Variants in JARID2 observed in about 807,000 individuals in gnomAD.
The protein encoded by JARID2 is protein Jumonji.
A neutral mutation model predicts 125.6 loss-of-function variants in JARID2; 21 were observed. The observed-to-expected ratio is 0.17, with a 90% CI of 0.12 to 0.24. The LOEUF (loss-of-function observed/expected upper bound fraction) is 0.24, where lower values mean the gene tolerates loss of function less well. Among genes scored for constraint, JARID2 ranks in the 10% least tolerant of loss-of-function variants. The probability of loss-of-function intolerance (pLI) is 1.00; values close to 1 mark genes in which losing one functional copy is unlikely to be tolerated. For missense variants in JARID2, 1,303 were observed against 1,639.6 expected, an observed-to-expected ratio of 0.79 and a Z score of 3.55; for synonymous variants, 736 against 661.6, an observed-to-expected ratio of 1.11 and a Z score of -1.73.
chr6:15,269,488 AC>A (rs1482747630), intron 1 of JARID2, among the ~76,000 whole-genome samples: 2 of 149,686 alleles, frequency 1.3e-5, no homozygotes, highest in Admixed American at 1.3e-4. Flanking sequence ...TCCCTGCCCC[AC>A]CCCCTAGTAG....
chr6:15,264,653 GAT>G (rs1370188982), intron 1 of JARID2, among the ~76,000 whole-genome samples: 319 of 147,892 alleles, frequency 2.2e-3, no homozygotes, highest in Non-Finnish European at 3.0e-3. Flanking sequence ...GAGAGAGAGA[GAT>G]AGAGAGAGAG....
intron 6 of JARID2, among the ~76,000 whole-genome samples, chr6:15,489,640 A>G (rs1272645113): frequency 2.6e-5 from 4 of 152,248 alleles, no homozygotes; most frequent in African/African-American, 9.6e-5. Flanking sequence ...GCCTGCCCCC[A>G]TGCTCCATGG....
intron 1 of JARID2, among the ~76,000 whole-genome samples, chr6:15,304,489 G>C (rs937170298): frequency 5.9e-5 from 9 of 152,030 alleles, no homozygotes; most frequent in African/African-American, 2.2e-4. Context: ...CCAGCTCATG[G>C]TTACAGTCCT....
At chr6:15,258,835 A>T (rs1453601508) in intron 1 of JARID2, among the ~76,000 whole-genome samples, 1 of 152,226 alleles carries the variant, frequency 6.6e-6, no homozygotes, top group African/African-American at 2.4e-5. Context: ...CCATGTTATT[A>T]TAAGTCTTAC....
At chr6:15,497,502 T>C (rs2127737026) in intron 7 of JARID2, among the ~76,000 whole-genome samples, 1 of 151,872 alleles carries the variant, frequency 6.6e-6, no homozygotes, top group Non-Finnish European at 1.5e-5. Context: ...ACAAAAAAAT[T>C]AGCCGGGCGT....
intron 6 of JARID2, among the ~76,000 whole-genome samples, chr6:15,494,560 C>T (rs1051291326): frequency 7.2e-5 from 11 of 152,052 alleles, no homozygotes; most frequent in East Asian, 1.9e-4. Context: ...AGGCGCACAC[C>T]GCCACACCCA....
At chr6:15,344,460 T>TA (rs746040005) in intron 1 of JARID2, among the ~76,000 whole-genome samples, 330 of 150,666 alleles carry the variant, frequency 2.2e-3, no homozygotes, top group Middle Eastern at 0.014. Flanking sequence ...CTCTCTGGTT[T>TA]AAAAAAAAAC....
At chr6:15,351,224 TACC>T in intron 1 of JARID2, among the ~76,000 whole-genome samples, 1 of 152,156 alleles carries the variant, frequency 6.6e-6, no homozygotes, top group East Asian at 1.9e-4. Flanking sequence ...TTCTGAGTAA[TACC>T]AACAGTAACT....
At chr6:15,506,922 G>A (rs1771031368) in intron 9 of JARID2, among the ~76,000 whole-genome samples, 1 of 152,226 alleles carries the variant, frequency 6.6e-6, no homozygotes. Flanking sequence ...TAACATGGGT[G>A]AGACCCTGCT....
At chr6:15,431,104 T>G (rs1343379884) in intron 3 of JARID2, among the ~76,000 whole-genome samples, 1 of 152,172 alleles carries the variant, frequency 6.6e-6, no homozygotes, top group African/African-American at 2.4e-5. Flanking sequence ...GTTTTTCCCC[T>G]TTGTAGGGAG....
At chr6:15,273,134 T>C (rs1760363899) in intron 1 of JARID2, among the ~76,000 whole-genome samples, 1 of 152,170 alleles carries the variant, frequency 6.6e-6, no homozygotes, top group Non-Finnish European at 1.5e-5. Flanking sequence ...AGTTTCCTCA[T>C]GTGGGTGGGG....
intron 5 of JARID2, among the ~76,000 whole-genome samples, chr6:15,472,743 G>A (rs1307708945): frequency 1.3e-5 from 2 of 152,140 alleles, no homozygotes; most frequent in African/African-American, 4.8e-5. Flanking sequence ...GTCCCATTCT[G>A]TTGTCCAGAG....
At chr6:15,388,561 CAT>C (rs1764876611) in intron 2 of JARID2, among the ~76,000 whole-genome samples, 1 of 147,016 alleles carries the variant, frequency 6.8e-6, no homozygotes, top group Non-Finnish European at 1.5e-5. Flanking sequence ...AGGAGAGAAA[CAT>C]GAGCTATTTT....
At chr6:15,372,608 C>T (rs1029397447) in intron 1 of JARID2, among the ~76,000 whole-genome samples, 2 of 152,152 alleles carry the variant, frequency 1.3e-5, no homozygotes, top group African/African-American at 4.8e-5. Context: ...TCCGCCTTGT[C>T]CTCTCAAAGT....
At chr6:15,473,490 T>G (rs1253256238) in intron 5 of JARID2, among the ~76,000 whole-genome samples, 1 of 129,748 alleles carries the variant, frequency 7.7e-6, no homozygotes, top group Non-Finnish European at 1.6e-5. Context: ...GGGTGACTTG[T>G]CTCCCTTGTC....
chr6:15,413,942 AC>A (rs1441065423), intron 3 of JARID2, among the ~76,000 whole-genome samples: 3 of 152,224 alleles, frequency 2.0e-5, no homozygotes, highest in Non-Finnish European at 4.4e-5. Flanking sequence ...TTCAGATCAT[AC>A]TGCAGGGTCA....
At chr6:15,464,407 T>A (rs1768607928) in intron 4 of JARID2, among the ~76,000 whole-genome samples, 1 of 152,224 alleles carries the variant, frequency 6.6e-6, no homozygotes, top group South Asian at 2.1e-4. Context: ...GGTATGAGGG[T>A]GCCCGACCAA....
At chr6:15,465,636 C>T (rs1768686470) in intron 4 of JARID2, among the ~76,000 whole-genome samples, 2 of 151,338 alleles carry the variant, frequency 1.3e-5, no homozygotes, top group Non-Finnish European at 3.0e-5. Flanking sequence ...TGCTGCTTCT[C>T]TAATGTTTGA....
chr6:15,495,874 C>T (rs1010675107), intron 6 of JARID2, among the ~76,000 whole-genome samples: 16 of 152,302 alleles, frequency 1.1e-4, no homozygotes, highest in African/African-American at 3.4e-4. Context: ...CGCTAGGAAG[C>T]GCCTGGGGCA....
Sources: allele counts gnomAD v4.1 joint callset (sites outside exome capture counted in the v4.1 genomes callset), GRCh38; gene constraint gnomAD v4.1.1; transcripts MANE v1.5; gene names NCBI Gene and HGNC (gene_info 2026-07-23, HGNC 2026-07-21).